Variants in ZNF469 observed in about 807,000 individuals in gnomAD.
ZNF469 encodes the protein zinc finger protein 469.
Under a neutral mutation model 1.0 loss-of-function variants are expected in ZNF469, and 1 was observed. The ratio of observed to expected loss-of-function variants is 1.00; its 90% CI spans 0.35 to 4.73. The LOEUF (loss-of-function observed/expected upper bound fraction) is 4.73, where lower values mean the gene tolerates loss of function less well. Ranked by LOEUF, ZNF469 falls within the 30% of genes most tolerant of loss-of-function variation. The probability of loss-of-function intolerance (pLI) is 0.16; values close to 1 mark genes in which losing one functional copy is unlikely to be tolerated. For synonymous variants in ZNF469, 2,703 were observed against 2,363.4 expected, an observed-to-expected ratio of 1.14 and a Z score of -4.17; for missense variants, 6,100 against 5,356.3, an observed-to-expected ratio of 1.14 and a Z score of -4.33.
At chr16:88,193,258 ATGGTGGTAGTGGTGATGG>A in the ZNF469 span, among the ~76,000 whole-genome samples, 1 of 68,958 alleles carries the variant, frequency 1.5e-5, no homozygotes, top group African/African-American at 5.7e-5. Context: ...GATGGTGGTG[ATGGTGGTAGTGGTGATGG>A]TGGTGGTGGA....
the ZNF469 span, among the ~76,000 whole-genome samples, chr16:88,134,563 G>C: frequency 2.0e-5 from 3 of 152,216 alleles, no homozygotes; most frequent in Non-Finnish European, 4.4e-5. Flanking sequence ...TAAGTTCCTG[G>C]AGGTGGAATT....
chr16:88,243,942 ATATATAT>A, the ZNF469 span, among the ~76,000 whole-genome samples: 46 of 112,508 alleles, frequency 4.1e-4, 5 homozygotes, highest in South Asian at 4.8e-3. Context: ...ATATATATAT[ATATATAT>A]ATAAATGTAT....
the ZNF469 span, among the ~76,000 whole-genome samples, chr16:88,340,258 T>A: frequency 2.6e-5 from 4 of 152,138 alleles, no homozygotes; most frequent in African/African-American, 9.7e-5. Flanking sequence ...ACAGAGCACC[T>A]CATAGGTGGG....
At chr16:88,192,409 A>G in the ZNF469 span, among the ~76,000 whole-genome samples, 1 of 152,198 alleles carries the variant, frequency 6.6e-6, no homozygotes, top group Non-Finnish European at 1.5e-5. Context: ...ACAGACATCA[A>G]GGTCTTGTCT....
the ZNF469 span, among the ~76,000 whole-genome samples, chr16:88,279,953 C>T: frequency 1.3e-4 from 18 of 139,036 alleles, no homozygotes; most frequent in East Asian, 1.7e-3. Context: ...GTTAGTGCTG[C>T]GCCACGCTGA....
the ZNF469 span, among the ~76,000 whole-genome samples, chr16:88,305,937 C>G: frequency 6.6e-6 from 1 of 152,198 alleles, no homozygotes; most frequent in Non-Finnish European, 1.5e-5. Flanking sequence ...CACACACTGT[C>G]ACGTAAACCC....
chr16:88,102,109 G>A, the ZNF469 span, among the ~76,000 whole-genome samples: 2 of 145,616 alleles, frequency 1.4e-5, no homozygotes, highest in Non-Finnish European at 3.0e-5. Flanking sequence ...GAAATCTGGC[G>A]TGATCTAAGA....
the ZNF469 span, among the ~76,000 whole-genome samples, chr16:88,259,827 G>A: frequency 1.4e-4 from 22 of 152,280 alleles, no homozygotes; most frequent in South Asian, 8.3e-4. This position sits in a 1 kb window ranked among gnomAD's most constrained non-coding sequence, Gnocchi z 4.1. Flanking sequence ...TGCAGGCTCC[G>A]CCGAAGACCC....
At chr16:88,341,089 G>A in the ZNF469 span, among the ~76,000 whole-genome samples, 1 of 152,218 alleles carries the variant, frequency 6.6e-6, no homozygotes, top group Non-Finnish European at 1.5e-5. Flanking sequence ...CTCCTGTGAA[G>A]GTCCAGTAGC....
intron 1 of ZNF469, among the ~76,000 whole-genome samples, chr16:88,403,361 G>C (rs1053883100): frequency 1.3e-5 from 2 of 152,242 alleles, no homozygotes; most frequent in Non-Finnish European, 2.9e-5. Flanking sequence ...TGGTGGCTCT[G>C]GGTTCCGTCT....
chr16:88,404,470 C>T (rs189410264), intron 1 of ZNF469, among the ~76,000 whole-genome samples: 62 of 152,324 alleles, frequency 4.1e-4, no homozygotes, highest in African/African-American at 1.5e-3. Flanking sequence ...CCACATATCC[C>T]TTTGGCCATG....
At chr16:88,184,225 G>A in the ZNF469 span, among the ~76,000 whole-genome samples, 5 of 152,220 alleles carry the variant, frequency 3.3e-5, no homozygotes, top group African/African-American at 4.8e-5. Flanking sequence ...AGGGAAGACC[G>A]ATCACCACAG....
rs1004602029 is a variant in ZNF469, at chr16:88,424,936, GC to G, written c.-127+70del. On this transcript the variant is annotated intron_variant, in intron 2 of 2. Coordinates refer to ENST00000565624, the MANE Select transcript of ZNF469 (RefSeq NM_001367624.2). This position sits in a 1 kb window ranked among gnomAD's most constrained non-coding sequence, Gnocchi z 4.3. ...ATGCTCTGGTCTTGATGGTCCTGAG[GC>G]CCCCTCCGCCCCCACCCGCCCGGCC... Among the ~76,000 whole-genome samples, 8 of 152,218 alleles carry G rather than the reference GC, an allele frequency of 5.3e-5. No homozygotes were observed. The highest frequency in any genetic ancestry group is 1.9e-4 in the African/African-American group (8 of 41,526).
At chr16:88,127,267 C>T in the ZNF469 span, among the ~76,000 whole-genome samples, 11 of 152,124 alleles carry the variant, frequency 7.2e-5, no homozygotes, top group Non-Finnish European at 1.3e-4. Flanking sequence ...GGAAAACAGT[C>T]CCTCCTCCTT....
At chr16:88,423,977 G>C (rs1279843726) in intron 1 of ZNF469, among the ~76,000 whole-genome samples, 2 of 152,262 alleles carry the variant, frequency 1.3e-5, no homozygotes, top group African/African-American at 4.8e-5. Flanking sequence ...GAGTGTTAAA[G>C]AATGTGTGGC....
At chr16:88,107,815 A>G in the ZNF469 span, among the ~76,000 whole-genome samples, 1 of 152,222 alleles carries the variant, frequency 6.6e-6, no homozygotes, top group Non-Finnish European at 1.5e-5. Flanking sequence ...TCAGGAGAGC[A>G]CAGCACTGTA....
At chr16:88,275,857 G>A in the ZNF469 span, among the ~76,000 whole-genome samples, 5 of 152,182 alleles carry the variant, frequency 3.3e-5, no homozygotes, top group African/African-American at 1.2e-4. Flanking sequence ...GGGGAACAGG[G>A]GAAGGTGTCT....
At chr16:88,229,599 T>C in the ZNF469 span, among the ~76,000 whole-genome samples, 12 of 66,812 alleles carry the variant, frequency 1.8e-4, no homozygotes, top group South Asian at 1.4e-3. Flanking sequence ...CGTGTGGATG[T>C]CACGCGTGTG....
At chr16:88,397,069 G>A (rs963747999) in intron 1 of ZNF469, among the ~76,000 whole-genome samples, 2 of 152,114 alleles carry the variant, frequency 1.3e-5, no homozygotes, top group African/African-American at 4.8e-5. Flanking sequence ...AGACCCTTCT[G>A]AAGGGAGGCC....
Sources: allele counts gnomAD v4.1 joint callset (sites outside exome capture counted in the v4.1 genomes callset), GRCh38; gene constraint gnomAD v4.1.1; non-coding constraint Gnocchi (gnomAD v3.1); transcripts MANE v1.5; gene names NCBI Gene and HGNC (gene_info 2026-07-23, HGNC 2026-07-21).